SLF1: variants seen among roughly 807,000 people sequenced by gnomAD.
SLF1 encodes SMC5/6 complex localization factor 1.
SLF1 carries 105 observed loss-of-function variants against 123.0 expected under a neutral mutation model. The observed-to-expected ratio is 0.85, with a 90% CI of 0.73 to 1.00. The LOEUF is 1.00. SLF1 is among the 50% of genes least tolerant of loss of function. SLF1 has a pLI of 0.00. For synonymous variants in SLF1, 434 were observed against 406.6 expected (o/e 1.07, Z -0.81); for missense variants, 1,239 against 1,223.0 (o/e 1.01, Z -0.20).
intron 13 of SLF1, 76 bp downstream of exon 13, chr5:94,670,355 T>C: frequency 9.1e-7 from 1 of 1,096,988 alleles, no homozygotes; most frequent in Non-Finnish European, 1.2e-6. Context: ...TTACAATTAT[T>C]ATAAATATAT....
chr5:94,678,444 T>TA (rs1751353682), intron 14 of SLF1: 1 of 158,330 alleles, frequency 6.3e-6, no homozygotes, highest in African/African-American at 2.4e-5. Context: ...TAAATCTATC[T>TA]TCTTTTATAG....
intron 4 of SLF1, 97 bp from the exon 5 acceptor site, chr5:94,643,176 A>G: frequency 1.1e-6 from 1 of 924,558 alleles, no homozygotes; most frequent in Non-Finnish European, 1.6e-6. Flanking sequence ...CTATTAGAAA[A>G]GTCCATTCGT....
chr5:94,669,280 TTAAA>T (rs1261139856), intron 12 of SLF1, among the ~76,000 whole-genome samples: 1 of 152,136 alleles, frequency 6.6e-6, no homozygotes, highest in Non-Finnish European at 1.5e-5. Flanking sequence ...AGATTGAATA[TTAAA>T]TAAATTGTTA....
At chr5:94,640,614 A>G (rs1267803629) in intron 4 of SLF1, among the ~76,000 whole-genome samples, 2 of 152,070 alleles carry the variant, frequency 1.3e-5, no homozygotes, top group African/African-American at 4.8e-5. Flanking sequence ...ACTCCATTGC[A>G]TGCCTTTTAA....
At chr5:94,689,782 G>A (rs961713218) in intron 18 of SLF1, among the ~76,000 whole-genome samples, 176 bp downstream of exon 18, 1 of 152,162 alleles carries the variant, frequency 6.6e-6, no homozygotes, top group African/African-American at 2.4e-5. Flanking sequence ...TGCAAAGAAA[G>A]TGATTGTTTA....
chr5:94,683,298 C>T (rs1328169177), intron 15 of SLF1, among the ~76,000 whole-genome samples: 1 of 152,104 alleles, frequency 6.6e-6, no homozygotes, highest in Non-Finnish European at 1.5e-5. Context: ...CAAAATGTTT[C>T]TGTTCTCTTC....
chr5:94,690,455 C>T (rs1752944588), intron 18 of SLF1, among the ~76,000 whole-genome samples: 1 of 152,124 alleles, frequency 6.6e-6, no homozygotes, highest in Non-Finnish European at 1.5e-5. Flanking sequence ...ATTAATTTCA[C>T]AAATCAGCGT....
At chr5:94,680,900 T>G (rs1208857501) in intron 15 of SLF1, among the ~76,000 whole-genome samples, 1 of 152,226 alleles carries the variant, frequency 6.6e-6, no homozygotes, top group East Asian at 1.9e-4. Flanking sequence ...AGTGTTACTA[T>G]TATGATCCTG....
chr5:94,627,377 T>C (rs1744569126), intron 1 of SLF1, among the ~76,000 whole-genome samples: 1 of 151,908 alleles, frequency 6.6e-6, no homozygotes, highest in African/African-American at 2.4e-5. Context: ...GCTGTCTAGT[T>C]CTCCAGTTCA....
At chr5:94,683,738 C>A (rs747984191) in intron 15 of SLF1, among the ~76,000 whole-genome samples, 3 of 152,138 alleles carry the variant, frequency 2.0e-5, no homozygotes, top group Non-Finnish European at 4.4e-5. Flanking sequence ...AATTTGTAAG[C>A]CTTGTTAAGG....
intron 14 of SLF1, among the ~76,000 whole-genome samples, chr5:94,678,129 C>T (rs1264391221): frequency 1.3e-5 from 2 of 152,004 alleles, no homozygotes; most frequent in Non-Finnish European, 2.9e-5. Flanking sequence ...ACCGTGTTAG[C>T]CAGGATAGTC....
intron 12 of SLF1, among the ~76,000 whole-genome samples, chr5:94,669,042 T>C (rs1223937571): frequency 6.6e-6 from 1 of 152,170 alleles, no homozygotes; most frequent in Non-Finnish European, 1.5e-5. Flanking sequence ...TTTGGGCAGC[T>C]TAAAAATAGA....
intron 14 of SLF1, among the ~76,000 whole-genome samples, chr5:94,675,202 T>G (rs1208285297): frequency 6.6e-6 from 1 of 152,234 alleles, no homozygotes; most frequent in East Asian, 1.9e-4. Flanking sequence ...TTTTGGAAGA[T>G]TGCCAATTTT....
rs1225415968 is a variant in SLF1 at position 94,694,975 on chromosome 5, T to G, written c.2840T>G (p.Phe947Cys). ...TTTCATGCACAAGCAGAGAAACATTTTCATTACCAGCAACTTGAATTTGGC... is the reference window on the plus strand; with the variant it reads ...TTTCATGCACAAGCAGAGAAACATTGTCATTACCAGCAACTTGAATTTGGC... ...ENFHAQAEKHFHYQQLEFGSF... is the reference protein window; with the variant it reads ...ENFHAQAEKHCHYQQLEFGSF... The change falls in exon 21 of 21, where the codon TTT (phenylalanine) becomes TGT (cysteine). Residue 947 changes from phenylalanine (F) to cysteine (C), a missense_variant. Transcript: ENST00000265140. The G allele has an allele frequency of 1.4e-5, 23 of 1,612,506 alleles. No homozygotes were observed. The highest frequency in any genetic ancestry group is 1.9e-5 in the Non-Finnish European group (22 of 1,179,146).
intron 10 of SLF1, 21 bp from the exon 11 acceptor site, chr5:94,663,729 A>G (rs757150429): frequency 4.0e-6 from 6 of 1,490,706 alleles, no homozygotes; most frequent in South Asian, 1.3e-5. Flanking sequence ...TCTCTGAATC[A>G]TAGAATCTTT....
Position 94,633,675 on chromosome 5 carries a change from TAGA to T in SLF1, c.431+2936_431+2938del, listed in dbSNP as rs138626714. The stretch of plus-strand genomic sequence containing the variant: ...GTACTAAAAAATTTAACGAAGATAC[TAGA>T]AGATCTCGCTAGTGAATTTAGCGAG... On this transcript the variant is annotated intron_variant, in intron 4 of 20. Coordinates refer to ENST00000265140, the MANE Select transcript of SLF1 (RefSeq NM_032290.4). Among the ~76,000 whole-genome samples the T allele has an allele frequency of 8.9e-3, 1,361 of 152,314 alleles. 9 individuals carry two copies. Among genetic ancestry groups the T allele is most frequent in the Non-Finnish European group, 0.016 (1,055 of 68,020 alleles).
intron 10 of SLF1, among the ~76,000 whole-genome samples, chr5:94,663,497 A>G (rs1422127804): frequency 6.6e-6 from 1 of 152,238 alleles, no homozygotes; most frequent in Admixed American, 6.5e-5. Flanking sequence ...TACAAAAATC[A>G]GCTGGGTGTG....
chr5:94,656,290 G>A (rs1169882779), intron 9 of SLF1, among the ~76,000 whole-genome samples: 5 of 151,720 alleles, frequency 3.3e-5, no homozygotes, highest in Admixed American at 1.3e-4. Context: ...ATAAATCATA[G>A]TGTACACTTG....
At chr5:94,619,092 C>T (rs1407939408) in intron 1 of SLF1, among the ~76,000 whole-genome samples, 2 of 152,122 alleles carry the variant, frequency 1.3e-5, no homozygotes, top group East Asian at 1.9e-4. Context: ...CGCAGCTCTG[C>T]CGCTCGGCCC....
Sources: gnomAD v4.1 joint callset for allele counts (sites outside exome capture counted in the v4.1 genomes callset) on GRCh38, gnomAD v4.1.1 for gene constraint, MANE v1.5 for transcripts, NCBI Gene and HGNC (gene_info 2026-07-23, HGNC 2026-07-21) for gene names.